The following KDM3B variants were observed in gnomAD, a reference collection of about 807,000 sequenced individuals.
KDM3B encodes the protein lysine demethylase 3B, also known as lysine-specific demethylase 3B.
KDM3B carries 10 observed loss-of-function variants against 170.0 expected under a neutral mutation model. The observed-to-expected ratio is 0.06, with a 90% CI of 0.04 to 0.10. KDM3B has a LOEUF of 0.10. Among genes scored for constraint, KDM3B ranks in the 10% least tolerant of loss-of-function variants. The pLI is 1.00. For missense variants in KDM3B, 1,394 were observed against 2,195.2 expected (o/e 0.64, Z 7.29); for synonymous variants, 831 against 834.8 (o/e 1.00, Z 0.08).
At chr5:138,434,972 C>T (rs1224777407) in intron 23 of KDM3B, among the ~76,000 whole-genome samples, 1 of 152,182 alleles carries the variant, frequency 6.6e-6, no homozygotes, top group Non-Finnish European at 1.5e-5. Flanking sequence ...TGCATTTCCC[C>T]GCTTTTCCTC....
In KDM3B at chr5:138,353,003, G is replaced by A; in HGVS notation, c.192+16G>A. On this transcript the variant is annotated intron_variant, in intron 1 of 23. Transcript: ENST00000314358. The stretch of plus-strand genomic sequence containing the variant: ...GGACCTAGCGGTGAGTGGCGGCCGA[G>A]TCGGGCACTCGAGGCCGGGGCTGCG... The A allele has an allele frequency of 8.2e-7, 1 of 1,220,590 alleles. No individual in the cohort carries two copies. Among genetic ancestry groups the A allele is most frequent in the Admixed American group, 4.3e-5 (1 of 23,232 alleles). 75.6% of individuals were successfully genotyped at this position (1,220,590 alleles called of 1,614,324 possible). A position where few individuals can be genotyped will look rare whatever the true frequency, so the allele number is the denominator to read the frequency against.
At chr5:138,375,502 C>T (rs1404730482) in intron 3 of KDM3B, among the ~76,000 whole-genome samples, 4 of 152,044 alleles carry the variant, frequency 2.6e-5, no homozygotes, top group South Asian at 2.1e-4. Context: ...CTCAGCCTCC[C>T]GAGTAGCTGG....
At position 138,414,289 on chromosome 5, in the gene KDM3B, C is replaced by T. The variant is rs922384050; in HGVS notation, c.3200-843C>T. Among the ~76,000 whole-genome samples the T allele has an allele frequency of 7.2e-5, 11 of 152,264 alleles. No homozygotes were observed. In the South Asian group the frequency reaches 8.3e-4, roughly 11 times the overall value. On this transcript the variant is annotated intron_variant, in intron 11 of 23. Transcript: ENST00000314358. ...CACGCCATTCTCCTGCCTCAGCCTCCGGAGTAGCTGGGACCACAGACAACC... is the reference window on the plus strand; with the variant it reads ...CACGCCATTCTCCTGCCTCAGCCTCTGGAGTAGCTGGGACCACAGACAACC...
chr5:138,408,766 A>C (rs895900164), intron 11 of KDM3B, among the ~76,000 whole-genome samples: 3 of 152,218 alleles, frequency 2.0e-5, no homozygotes, highest in African/African-American at 7.2e-5. Flanking sequence ...AGTCCACTAT[A>C]TTAGTAGACT....
At chr5:138,363,826 G>T (rs760152289) in intron 1 of KDM3B, among the ~76,000 whole-genome samples, 1 of 152,060 alleles carries the variant, frequency 6.6e-6, no homozygotes, top group Non-Finnish European at 1.5e-5. Flanking sequence ...GATTACAGGC[G>T]TGAGCCATTG....
intron 11 of KDM3B, among the ~76,000 whole-genome samples, chr5:138,406,499 TAGCTG>T (rs1175402373): frequency 1.3e-5 from 2 of 151,900 alleles, no homozygotes; most frequent in Non-Finnish European, 2.9e-5. Flanking sequence ...CAAACAAAAT[TAGCTG>T]AGCATGGTGG....
chr5:138,412,780 A>G (rs962087281), intron 11 of KDM3B, among the ~76,000 whole-genome samples: 3 of 152,160 alleles, frequency 2.0e-5, no homozygotes, highest in African/African-American at 7.2e-5. Flanking sequence ...CTGGGCAAAC[A>G]AGCCCATTTT....
At chr5:138,370,963 C>T (rs1761859489) in intron 1 of KDM3B, among the ~76,000 whole-genome samples, 1 of 152,132 alleles carries the variant, frequency 6.6e-6, no homozygotes, top group African/African-American at 2.4e-5. Flanking sequence ...TGCCCACCAT[C>T]ATACCCAGCT....
chr5:138,400,161 A>T (rs1246770717), intron 11 of KDM3B, 149 bp downstream of exon 11: 4 of 660,068 alleles, frequency 6.1e-6, no homozygotes, highest in Non-Finnish European at 1.0e-5. Context: ...AAGACCTTAA[A>T]ATGGCAAATA....
chr5:138,374,344 C>T (rs905045050), intron 2 of KDM3B: 11 of 425,366 alleles, frequency 2.6e-5, no homozygotes, highest in South Asian at 6.6e-5. Flanking sequence ...CTCACCACCC[C>T]GCCTCCCAGG....
chr5:138,391,456 C>A lies in KDM3B; in HGVS notation c.1824C>A (p.Ser608Arg), dbSNP rs1330509179. The A allele has an allele frequency of 1.9e-6, 3 of 1,613,992 alleles. No individual in the cohort carries two copies. The South Asian group carries it at 3.3e-5, about 18-fold the overall frequency. ...MPTLTPAFPRSLLNARTPENH... is the reference protein window; with the variant it reads ...MPTLTPAFPRRLLNARTPENH... ...CCCTCACTCCAGCCTTCCCACGGAG[C>A]CTCCTAAATGCCCGTACCCCAGAGA... The change falls in exon 8 of 24, where the codon AGC becomes AGA. Residue 608 changes from serine to arginine, a missense_variant. Around this residue, in one of 19 missense-constraint regions of KDM3B, gnomAD observed 294 missense variants for 311.7 expected, o/e 0.94. Coordinates refer to ENST00000314358, the MANE Select transcript of KDM3B (RefSeq NM_016604.4). The surrounding 1 kb of genome is among the most constrained non-coding windows in gnomAD (Gnocchi z 5.0).
At chr5:138,402,114 G>C (rs2126965357) in intron 11 of KDM3B, among the ~76,000 whole-genome samples, 1 of 152,036 alleles carries the variant, frequency 6.6e-6, no homozygotes, top group Middle Eastern at 3.4e-3. Flanking sequence ...GGTAGAGATG[G>C]AGTCTCGCTA....
At position 138,379,620 on chromosome 5, in the gene KDM3B, A is replaced by T; in HGVS notation, c.617A>T (p.Tyr206Phe). The T allele has an allele frequency of 6.2e-7, 1 of 1,613,748 alleles. No homozygotes were observed. Among genetic ancestry groups the T allele is most frequent in the East Asian group, 2.2e-5 (1 of 44,864 alleles). The change falls in exon 5 of 24, where the codon TAT becomes TTT. Residue 206 changes from tyrosine to phenylalanine, a missense_variant. Around this residue, in one of 19 missense-constraint regions of KDM3B, gnomAD observed 166 missense variants for 216.4 expected, o/e 0.77. Coordinates refer to ENST00000314358, the MANE Select transcript of KDM3B (RefSeq NM_016604.4). ...YSVQGHRVKIYQPEGEEGWLY... is the reference protein window; with the variant it reads ...YSVQGHRVKIFQPEGEEGWLY... ...GTTCAAGGTCACAGGGTCAAAATAT[A>T]TCAGCCAGAGGGGGAAGAAGGGTGG...
chr5:138,415,024 C>T (rs1267270189), intron 11 of KDM3B, 108 bp from the exon 12 acceptor site: 13 of 580,432 alleles, frequency 2.2e-5, no homozygotes, highest in Non-Finnish European at 3.7e-5. Flanking sequence ...TAGCTGTTAT[C>T]TCCTTCAGCC....
At chr5:138,379,844 C>T (rs17171813) in intron 5 of KDM3B, 136 bp downstream of exon 5, 22,872 of 733,970 alleles carry the variant, frequency 0.031, 631 homozygotes, top group Admixed American at 0.12. Flanking sequence ...TGTATAACCC[C>T]TAGAAAGGCT....
chr5:138,357,123 A>T (rs1761470458), intron 1 of KDM3B, among the ~76,000 whole-genome samples: 2 of 152,020 alleles, frequency 1.3e-5, no homozygotes, highest in Non-Finnish European at 2.9e-5. Flanking sequence ...CCTCCCAGGG[A>T]CTACAGGCAT....
At chr5:138,368,040 T>G (rs1465602837) in intron 1 of KDM3B, among the ~76,000 whole-genome samples, 1 of 151,350 alleles carries the variant, frequency 6.6e-6, no homozygotes, top group Non-Finnish European at 1.5e-5. Flanking sequence ...AATCTCAAAC[T>G]GTTTAACTGT....
intron 1 of KDM3B, among the ~76,000 whole-genome samples, chr5:138,357,976 C>T (rs1308640543): frequency 2.6e-5 from 4 of 151,386 alleles, no homozygotes; most frequent in East Asian, 2.0e-4. Flanking sequence ...TGTGAGCCAC[C>T]GTGCCTGGCA....
chr5:138,393,166 C>T lies in KDM3B; in HGVS notation c.2630-5C>T, dbSNP rs771663704. 2.1e-5 allele frequency: 34 copies of T among 1,613,686 alleles called. No individual in the cohort carries two copies. The highest frequency in any genetic ancestry group is 2.5e-5 in the Non-Finnish European group (30 of 1,179,970). On this transcript the variant is annotated splice_polypyrimidine_tract_variant and splice_region_variant and intron_variant, in intron 8 of 23. Transcript: ENST00000314358. Reference sequence around the variant, plus strand: ...CAAACTTTTCTTCTCTCCCCCTTGCCACAGTTGGCCAGTCAGTGCTGAAAG... The same window carrying T: ...CAAACTTTTCTTCTCTCCCCCTTGCTACAGTTGGCCAGTCAGTGCTGAAAG...
Sources: gnomAD v4.1 joint callset for allele counts (sites outside exome capture counted in the v4.1 genomes callset) on GRCh38, gnomAD v4.1.1 for gene constraint, gnomAD v4.1.1 regional missense constraint, Gnocchi (gnomAD v3.1) non-coding constraint, MANE v1.5 for transcripts, NCBI Gene and HGNC (gene_info 2026-07-23, HGNC 2026-07-21) for gene names.